The following NRG3 variants were observed in gnomAD, a reference collection of about 807,000 sequenced individuals.
NRG3 encodes the protein pro-neuregulin-3, membrane-bound isoform.
In NRG3, 31 loss-of-function variants were observed where a neutral mutation model predicts 66.9. That is an observed-to-expected ratio of 0.46 (90% CI 0.35 to 0.63). The LOEUF is 0.63. Ranked by LOEUF, NRG3 falls within the 20% of genes least tolerant of loss-of-function variation. NRG3 has a pLI of 0.00. For synonymous variants in NRG3, 393 were observed against 359.4 expected (o/e 1.09, Z -1.06); for missense variants, 910 against 878.9 (o/e 1.04, Z -0.45).
At chr10:82,310,202 A>G (rs2080952074) in intron 1 of NRG3, among the ~76,000 whole-genome samples, 2 of 152,124 alleles carry the variant, frequency 1.3e-5, no homozygotes, top group African/African-American at 4.8e-5. Flanking sequence ...ATTTATCTCC[A>G]TCATTATTGC....
intron 3 of NRG3, among the ~76,000 whole-genome samples, chr10:82,795,814 G>T (rs962214660): frequency 2.6e-5 from 4 of 152,066 alleles, no homozygotes; most frequent in African/African-American, 7.2e-5. Context: ...GGATCTATCT[G>T]CTTTCTTAAA....
chr10:82,441,027 C>G (rs572686114), intron 2 of NRG3, among the ~76,000 whole-genome samples: 1 of 152,118 alleles, frequency 6.6e-6, no homozygotes, highest in Admixed American at 6.6e-5. Context: ...CATAACAAAT[C>G]CCCTTGGATT....
At chr10:82,260,049 C>G (rs1235024346) in intron 1 of NRG3, among the ~76,000 whole-genome samples, 1 of 152,180 alleles carries the variant, frequency 6.6e-6, no homozygotes, top group Non-Finnish European at 1.5e-5. Context: ...TTTCTATTCC[C>G]TGTCCCACAA....
chr10:82,551,697 T>C (rs2132893574), intron 2 of NRG3, among the ~76,000 whole-genome samples: 1 of 152,134 alleles, frequency 6.6e-6, no homozygotes, highest in African/African-American at 2.4e-5. Context: ...GCAACCACCA[T>C]AGCGGTCAAT....
chr10:82,156,112 G>A (rs111879680), intron 1 of NRG3, among the ~76,000 whole-genome samples: 4 of 151,718 alleles, frequency 2.6e-5, no homozygotes, highest in African/African-American at 9.6e-5. Flanking sequence ...TAGGGTACTT[G>A]TGCTAACATT....
rs577155659 is a variant in NRG3, at chr10:82,444,592, T to C, written c.953+85724T>C. Among the ~76,000 whole-genome samples, 8 of 152,226 alleles carry C rather than the reference T, an allele frequency of 5.3e-5. No homozygotes were observed. In the South Asian group the frequency reaches 1.7e-3, roughly 32 times the overall value. On this transcript the variant is annotated intron_variant, in intron 2 of 8. Transcript: ENST00000372141. ...AGGGGGGAAAATGAGGGGAGGGCCT[T>C]CTTGATTAGAGCTAGACAGGACCAA... is the stretch of plus-strand genomic sequence containing the variant.
intron 2 of NRG3, among the ~76,000 whole-genome samples, chr10:82,362,433 G>C (rs551412996): frequency 6.7e-6 from 1 of 149,602 alleles, no homozygotes; most frequent in Non-Finnish European, 1.5e-5. Context: ...GAGCACAGTG[G>C]TATGATCTTG....
chr10:82,969,195 C>A (rs1022506727), intron 6 of NRG3, among the ~76,000 whole-genome samples: 1 of 152,094 alleles, frequency 6.6e-6, no homozygotes, highest in Non-Finnish European at 1.5e-5. Flanking sequence ...ATGGATTTGC[C>A]CAGAGCATCT....
intron 2 of NRG3, among the ~76,000 whole-genome samples, chr10:82,640,450 C>A (rs2050493163): frequency 6.6e-6 from 1 of 152,108 alleles, no homozygotes; most frequent in Non-Finnish European, 1.5e-5. Context: ...GGTAACATTT[C>A]TTCATATTAA....
At chr10:82,814,884 G>C (rs748476135) in intron 3 of NRG3, among the ~76,000 whole-genome samples, 1 of 152,128 alleles carries the variant, frequency 6.6e-6, no homozygotes, top group Non-Finnish European at 1.5e-5. Flanking sequence ...TCACAACTCT[G>C]TGTTGTGCCA....
At chr10:82,856,434 A>G (rs1390766463) in intron 3 of NRG3, among the ~76,000 whole-genome samples, 1 of 151,986 alleles carries the variant, frequency 6.6e-6, no homozygotes, top group Non-Finnish European at 1.5e-5. Context: ...TTACAGCCTA[A>G]TTTTAAAAAT....
At chr10:82,091,951 A>C (rs1028292095) in intron 1 of NRG3, among the ~76,000 whole-genome samples, 6 of 152,182 alleles carry the variant, frequency 3.9e-5, no homozygotes, top group Admixed American at 3.9e-4. Flanking sequence ...TCTTACTTGG[A>C]GAAATGGTGT....
chr10:82,544,737 A>G (rs1017527133), intron 2 of NRG3, among the ~76,000 whole-genome samples: 4 of 152,210 alleles, frequency 2.6e-5, no homozygotes, highest in African/African-American at 9.6e-5. Context: ...TGACAAAACC[A>G]TCTAATTTAC....
intron 2 of NRG3, among the ~76,000 whole-genome samples, chr10:82,431,401 G>A (rs569007260): frequency 6.6e-6 from 1 of 152,286 alleles, no homozygotes; most frequent in East Asian, 1.9e-4. Context: ...AGAGGAATGA[G>A]AATGCAGTTA....
At chr10:82,852,506 A>T (rs2063610195) in intron 3 of NRG3, among the ~76,000 whole-genome samples, 1 of 152,134 alleles carries the variant, frequency 6.6e-6, no homozygotes, top group South Asian at 2.1e-4. Context: ...TTAAAAAAAA[A>T]GAAAGAAAAT....
intron 2 of NRG3, among the ~76,000 whole-genome samples, chr10:82,363,557 G>T (rs575918477): frequency 4.0e-4 from 61 of 152,300 alleles, no homozygotes; most frequent in Non-Finnish European, 7.5e-4. Flanking sequence ...CCAGGTTCAC[G>T]CCATTCTCCT....
intron 1 of NRG3, among the ~76,000 whole-genome samples, chr10:82,288,018 T>C (rs1256094060): frequency 6.6e-6 from 1 of 152,194 alleles, no homozygotes; most frequent in African/African-American, 2.4e-5. Flanking sequence ...AGTAAATTTC[T>C]GTGGATGCAG....
chr10:82,199,381 T>C (rs2074647281), intron 1 of NRG3, among the ~76,000 whole-genome samples: 1 of 152,166 alleles, frequency 6.6e-6, no homozygotes, highest in South Asian at 2.1e-4. Flanking sequence ...TTCTGATATG[T>C]TGGTGCAGCT....
chr10:82,056,334 GA>G (rs908233056), intron 1 of NRG3, among the ~76,000 whole-genome samples: 16 of 149,844 alleles, frequency 1.1e-4, no homozygotes, highest in East Asian at 3.9e-4. Context: ...TAGTGTATTT[GA>G]AAAAAAAAAT....
Sources: allele counts gnomAD v4.1 joint callset (sites outside exome capture counted in the v4.1 genomes callset), GRCh38; gene constraint gnomAD v4.1.1; transcripts MANE v1.5; gene names NCBI Gene and HGNC (gene_info 2026-07-23, HGNC 2026-07-21).